Variants in LRRC18 observed in about 807,000 individuals in gnomAD.
LRRC18 encodes the protein leucine-rich repeat-containing protein 18.
LRRC18 carries 12 observed loss-of-function variants against 11.2 expected under a neutral mutation model. That is an observed-to-expected ratio of 1.07 (90% CI 0.69 to 1.74). The LOEUF is 1.74. Ranked by LOEUF, LRRC18 falls within the 40% of genes most tolerant of loss-of-function variation. The probability of loss-of-function intolerance (pLI) is 0.00; values close to 1 mark genes in which losing one functional copy is unlikely to be tolerated. For synonymous variants in LRRC18, 155 were observed against 130.6 expected, an observed-to-expected ratio of 1.19 and a Z score of -1.27; for missense variants, 374 against 330.5, an observed-to-expected ratio of 1.13 and a Z score of -1.02.
chr10:48,931,107 A>G, the LRRC18 span, among the ~76,000 whole-genome samples: 10 of 12,420 alleles, frequency 8.1e-4, no homozygotes, highest in Admixed American at 0.023. Context: ...ACACACACAC[A>G]CACACACACA....
chr10:48,911,800 A>T (rs1346731618), intron 1 of LRRC18, among the ~76,000 whole-genome samples: 1 of 152,192 alleles, frequency 6.6e-6, no homozygotes, highest in Non-Finnish European at 1.5e-5. Context: ...ACAATGAAAA[A>T]CACTTAATAA....
chr10:48,921,887 T>A, the LRRC18 span, among the ~76,000 whole-genome samples: 4 of 152,212 alleles, frequency 2.6e-5, no homozygotes, highest in African/African-American at 9.6e-5. Flanking sequence ...AATGGTATAG[T>A]CTCTTGGAAG....
At chr10:48,931,096 AACACACACACACACACACACAC>A in the LRRC18 span, among the ~76,000 whole-genome samples, 3 of 150,254 alleles carry the variant, frequency 2.0e-5, no homozygotes, top group African/African-American at 7.3e-5. Flanking sequence ...CTCACACTCA[AACACACACACACACACACACAC>A]ACACACACAC....
chr10:48,936,093 C>G, the LRRC18 span, among the ~76,000 whole-genome samples: 2 of 151,866 alleles, frequency 1.3e-5, no homozygotes, highest in African/African-American at 4.8e-5. Flanking sequence ...AATAAATTAA[C>G]TAGCAAATAA....
At chr10:48,933,143 G>A in the LRRC18 span, among the ~76,000 whole-genome samples, 1 of 152,322 alleles carries the variant, frequency 6.6e-6, no homozygotes, top group African/African-American at 2.4e-5. Context: ...AGGCTCTGTG[G>A]TGGAAGCAGA....
chr10:48,923,264 G>C, the LRRC18 span, among the ~76,000 whole-genome samples: 6 of 152,042 alleles, frequency 3.9e-5, no homozygotes, highest in African/African-American at 1.2e-4. Flanking sequence ...CTGGGGGGAT[G>C]TTGTGTACCA....
At chr10:48,931,975 G>T in the LRRC18 span, among the ~76,000 whole-genome samples, 8 of 152,224 alleles carry the variant, frequency 5.3e-5, no homozygotes, top group Non-Finnish European at 8.8e-5. Context: ...TTCCTGCTGT[G>T]CCTGAAAAGG....
the LRRC18 span, among the ~76,000 whole-genome samples, chr10:48,930,871 G>A: frequency 6.6e-6 from 1 of 152,126 alleles, no homozygotes; most frequent in Non-Finnish European, 1.5e-5. Flanking sequence ...TTGTCCGTGT[G>A]AGCCCTGTGT....
chr10:48,910,591 G>A (rs952274208), intron 1 of LRRC18, among the ~76,000 whole-genome samples: 10 of 152,144 alleles, frequency 6.6e-5, no homozygotes, highest in Non-Finnish European at 8.8e-5. Flanking sequence ...AGTCTGCTTC[G>A]TCCTGCTGCC....
At chr10:48,936,697 G>A in the LRRC18 span, among the ~76,000 whole-genome samples, 13 of 151,704 alleles carry the variant, frequency 8.6e-5, no homozygotes, top group African/African-American at 3.1e-4. Flanking sequence ...CATTAGTTGG[G>A]CATTGTGGCA....
At chr10:48,934,728 C>T in the LRRC18 span, among the ~76,000 whole-genome samples, 3 of 152,180 alleles carry the variant, frequency 2.0e-5, no homozygotes, top group East Asian at 1.9e-4. Context: ...CCCTCCTGAA[C>T]GAAGAAGCAG....
chr10:48,913,589 T>C lies in LRRC18; in HGVS notation c.567A>G (p.Ile189Met), dbSNP rs201890800. ...AGTTCTCCAGCCTCCTGATGGAGTCTATGAATATTTCCGACTCACCTGGCT... is the reference window on the plus strand; with the variant it reads ...AGTTCTCCAGCCTCCTGATGGAGTCCATGAATATTTCCGACTCACCTGGCT... The change falls in exon 1 of 2, where the codon ATA becomes ATG. Residue 189 changes from isoleucine to methionine, a missense_variant. Coordinates refer to ENST00000374160, the Ensembl canonical transcript of LRRC18. The C allele has an allele frequency of 2.2e-5, 35 of 1,614,188 alleles. No individual in the cohort carries two copies. In the East Asian group the frequency reaches 7.8e-4, roughly 36 times the overall value.
chr10:48,918,184 GCAAA>G (rs1838724622), upstream of LRRC18, among the ~76,000 whole-genome samples: 1 of 152,076 alleles, frequency 6.6e-6, no homozygotes, highest in African/African-American at 2.4e-5. Flanking sequence ...AACAGAAGGA[GCAAA>G]CAGACAACAA....
chr10:48,928,464 G>A, the LRRC18 span, among the ~76,000 whole-genome samples: 2 of 151,670 alleles, frequency 1.3e-5, no homozygotes, highest in Non-Finnish European at 2.9e-5. Flanking sequence ...TGGGGAACCT[G>A]GACTCCAGGT....
At chr10:48,923,058 A>T in the LRRC18 span, among the ~76,000 whole-genome samples, 1 of 152,212 alleles carries the variant, frequency 6.6e-6, no homozygotes, top group Non-Finnish European at 1.5e-5. Flanking sequence ...ATCGTTTTTA[A>T]AAAAACTTTA....
At chr10:48,930,808 C>T in the LRRC18 span, among the ~76,000 whole-genome samples, 2 of 151,562 alleles carry the variant, frequency 1.3e-5, no homozygotes, top group African/African-American at 4.8e-5. Context: ...AATTATTTCC[C>T]AAAAATGTCA....
chr10:48,927,770 G>A, the LRRC18 span, among the ~76,000 whole-genome samples: 1 of 152,112 alleles, frequency 6.6e-6, no homozygotes, highest in African/African-American at 2.4e-5. Flanking sequence ...GAGGTCACAC[G>A]GCCCAATAAC....
the LRRC18 span, among the ~76,000 whole-genome samples, chr10:48,920,388 G>A: frequency 2.0e-5 from 3 of 152,092 alleles, no homozygotes; most frequent in South Asian, 6.2e-4. Context: ...AAGGGGGAGG[G>A]ATAGCATTAG....
At chr10:48,914,938 C>G (rs1838375004), upstream of LRRC18, among the ~76,000 whole-genome samples, 1 of 152,180 alleles carries the variant, frequency 6.6e-6, no homozygotes, top group African/African-American at 2.4e-5. Context: ...TTCTCTCATC[C>G]TTCACACTGG....
Sources: allele counts gnomAD v4.1 joint callset (sites outside exome capture counted in the v4.1 genomes callset), GRCh38; gene constraint gnomAD v4.1.1; transcripts MANE v1.5; gene names NCBI Gene and HGNC (gene_info 2026-07-23, HGNC 2026-07-21).